The following PPM1E variants were observed in gnomAD, a reference collection of about 807,000 sequenced individuals.
The protein encoded by PPM1E is protein phosphatase 1E.
PPM1E carries 20 observed loss-of-function variants against 65.9 expected under a neutral mutation model. The ratio of observed to expected loss-of-function variants is 0.30; its 90% CI spans 0.21 to 0.44. PPM1E has a LOEUF of 0.44. Among genes scored for constraint, PPM1E ranks in the 20% least tolerant of loss-of-function variants. The pLI is 1.00. For synonymous variants in PPM1E, 352 were observed against 374.9 expected (o/e 0.94, Z 0.70); for missense variants, 713 against 953.1 (o/e 0.75, Z 3.32).
chr17:58,943,599 A>G (rs2052103583), intron 1 of PPM1E, among the ~76,000 whole-genome samples: 1 of 151,960 alleles, frequency 6.6e-6, no homozygotes, highest in African/African-American at 2.4e-5. Flanking sequence ...CTAGTTTGTG[A>G]TTTAACCTAG....
At chr17:58,907,253 A>G (rs1184130726) in intron 1 of PPM1E, among the ~76,000 whole-genome samples, 2 of 152,158 alleles carry the variant, frequency 1.3e-5, no homozygotes, top group East Asian at 3.8e-4. Flanking sequence ...CTAAAAAAAA[A>G]AAAGAAAGAA....
chr17:58,825,085 G>A (rs985825028), intron 1 of PPM1E, among the ~76,000 whole-genome samples: 1 of 151,948 alleles, frequency 6.6e-6, no homozygotes, highest in Non-Finnish European at 1.5e-5. Flanking sequence ...TACTGCTCGG[G>A]TGATGAGTGC....
chr17:58,881,276 C>T lies in PPM1E; in HGVS notation c.465-74373C>T, dbSNP rs555037945. On this transcript the variant is annotated intron_variant, in intron 1 of 6. Coordinates refer to ENST00000308249, the MANE Select transcript of PPM1E (RefSeq NM_014906.5). ...GGGCGCAGTGGCTCATCCCTGTAAT[C>T]GCAGCACTTTGGAGGCTGAGGCAGG... Among the ~76,000 whole-genome samples, 6 of 152,308 alleles carry T rather than the reference C, an allele frequency of 3.9e-5. No individual in the cohort carries two copies. The East Asian group carries it at 9.6e-4, about 24-fold the overall frequency.
At chr17:58,767,380 G>A (rs1315643663) in intron 1 of PPM1E, among the ~76,000 whole-genome samples, 1 of 152,158 alleles carries the variant, frequency 6.6e-6, no homozygotes, top group East Asian at 1.9e-4. Context: ...TCAGACTTGG[G>A]AGATTATAAT....
At position 58,755,903 on chromosome 17, in the gene PPM1E, C is replaced by G. The variant is rs2049753106; in HGVS notation, c.-95C>G. The G allele has an allele frequency of 9.7e-6, 15 of 1,549,218 alleles. No individual in the cohort carries two copies. The highest frequency in any genetic ancestry group is 1.3e-5 in the Non-Finnish European group (15 of 1,149,602). Reference sequence around the variant, plus strand: ...CGCTCGTGCCGGTGCGGCCGTTAACCGCCCTTGCCGGAGCCCTAGGCTCAA... The same window carrying G: ...CGCTCGTGCCGGTGCGGCCGTTAACGGCCCTTGCCGGAGCCCTAGGCTCAA... On this transcript the variant is annotated 5_prime_UTR_variant, in exon 1 of 7. Transcript: ENST00000308249.
At chr17:58,769,412 T>C (rs1024970966) in intron 1 of PPM1E, among the ~76,000 whole-genome samples, 10 of 152,044 alleles carry the variant, frequency 6.6e-5, no homozygotes, top group Admixed American at 1.3e-4. Flanking sequence ...CTGGGCAACA[T>C]GACAAAACCC....
intron 1 of PPM1E, among the ~76,000 whole-genome samples, chr17:58,757,312 C>G (rs1294633401): frequency 6.6e-6 from 1 of 152,182 alleles, no homozygotes; most frequent in Non-Finnish European, 1.5e-5. Context: ...AAGCAGATGG[C>G]TTAGCTACAC....
At chr17:58,912,120 C>CA (rs1403496332) in intron 1 of PPM1E, among the ~76,000 whole-genome samples, 3 of 152,210 alleles carry the variant, frequency 2.0e-5, no homozygotes, top group African/African-American at 7.2e-5. Context: ...AGGGTAAACA[C>CA]ACGATTTGCA....
In PPM1E at chr17:58,980,416, T is replaced by C. The variant is rs1425576918; in HGVS notation, c.1653T>C (p.Asp551=). 20 of 1,614,016 alleles carry C rather than the reference T, an allele frequency of 1.2e-5. No homozygotes were observed. Among genetic ancestry groups the C allele is most frequent in the Non-Finnish European group, 1.7e-5 (20 of 1,180,032 alleles). ...ATGGGCGTGTGGATTCATTCACTGATAGAACTAGCCTGAGCCCAGGGTCCC... is the reference window on the plus strand; with the variant it reads ...ATGGGCGTGTGGATTCATTCACTGACAGAACTAGCCTGAGCCCAGGGTCCC... ...GYDGRVDSFT[D]RTSLSPGSQI... The change falls in exon 7 of 7, where the codon GAT becomes GAC. Residue 551 remains aspartate, a synonymous_variant. Transcript: ENST00000308249. The surrounding 1 kb of genome is among the most constrained non-coding windows in gnomAD (Gnocchi z 4.7).
rs2031558783 is a variant in PPM1E at position 58,983,960 on chromosome 17, T to TTTG, written c.*2932_*2934dup. ...GTCAGTCCCTAATTTACAGGTTTCCTTTGTTCACTTTCTAGATGTGTACTT... is the reference window on the plus strand; with the variant it reads ...GTCAGTCCCTAATTTACAGGTTTCCTTTGTTGTTCACTTTCTAGATGTGTACTT... On this transcript the variant is annotated 3_prime_UTR_variant, in exon 7 of 7. Coordinates refer to ENST00000308249, the MANE Select transcript of PPM1E (RefSeq NM_014906.5). 1 of 152,686 alleles carries TTTG rather than the reference T, an allele frequency of 6.5e-6. No individual in the cohort carries two copies. The highest frequency in any genetic ancestry group is 1.5e-5 in the Non-Finnish European group (1 of 68,042). 9.5% of individuals were successfully genotyped at this position (152,686 alleles called of 1,614,324 possible). A position where few individuals can be genotyped will look rare whatever the true frequency, so the allele number is the denominator to read the frequency against.
chr17:58,809,498 T>TCCTCC (rs2050345580), intron 1 of PPM1E, among the ~76,000 whole-genome samples: 1 of 152,150 alleles, frequency 6.6e-6, no homozygotes, highest in African/African-American at 2.4e-5. Flanking sequence ...TCCTCCCACT[T>TCCTCC]CAGCCTCCCA....
intron 1 of PPM1E, among the ~76,000 whole-genome samples, chr17:58,812,592 T>C (rs1349242699): frequency 6.6e-6 from 1 of 152,208 alleles, no homozygotes; most frequent in East Asian, 1.9e-4. Context: ...GATGGAGTCA[T>C]GCTCTGTCGC....
intron 1 of PPM1E, among the ~76,000 whole-genome samples, chr17:58,764,420 A>G (rs1825223479): frequency 6.6e-6 from 1 of 152,120 alleles, no homozygotes; most frequent in Non-Finnish European, 1.5e-5. Context: ...AGAGCCACTT[A>G]GCTGGGTGCA....
intron 1 of PPM1E, among the ~76,000 whole-genome samples, chr17:58,757,999 C>T (rs1416016537): frequency 6.6e-6 from 1 of 151,984 alleles, no homozygotes; most frequent in Non-Finnish European, 1.5e-5. Context: ...GATAAAGCTC[C>T]CTGCTTAAAA....
rs75706443 is a variant in PPM1E, at chr17:58,761,698, C to G, written c.464+5237C>G. On this transcript the variant is annotated intron_variant, in intron 1 of 6. Coordinates refer to ENST00000308249, the MANE Select transcript of PPM1E (RefSeq NM_014906.5). ...GTTTAACACCTCTTCCTTGAGGAAG[C>G]CTTTGCTTACCGTCCTCACACTCAT... Among the ~76,000 whole-genome samples, 1,387 of 152,294 alleles carry G rather than the reference C, an allele frequency of 9.1e-3. 66 individuals are homozygous for G. In the East Asian group the frequency reaches 0.12, roughly 14 times the overall value.
chr17:58,871,262 ACTC>A (rs2051066054), intron 1 of PPM1E, among the ~76,000 whole-genome samples: 1 of 152,026 alleles, frequency 6.6e-6, no homozygotes, highest in Non-Finnish European at 1.5e-5. Flanking sequence ...TTAGTCCTAA[ACTC>A]CTGGGTTCAA....
chr17:58,890,644 C>CAT (rs1371592342), intron 1 of PPM1E, among the ~76,000 whole-genome samples: 1 of 152,072 alleles, frequency 6.6e-6, no homozygotes, highest in African/African-American at 2.4e-5. Flanking sequence ...TAAACATACA[C>CAT]ACATATATAT....
intron 1 of PPM1E, among the ~76,000 whole-genome samples, chr17:58,848,127 T>C (rs558194564): frequency 2.0e-5 from 3 of 152,356 alleles, no homozygotes; most frequent in African/African-American, 7.2e-5. Flanking sequence ...TGATTTTGTA[T>C]CCTGAGACTT....
intron 1 of PPM1E, among the ~76,000 whole-genome samples, chr17:58,911,813 A>G (rs1316146116): frequency 1.3e-5 from 2 of 152,160 alleles, no homozygotes; most frequent in East Asian, 1.9e-4. Flanking sequence ...TCATTCACAA[A>G]TAAATAATAA....
Sources: gnomAD v4.1 joint callset for allele counts (sites outside exome capture counted in the v4.1 genomes callset) on GRCh38, gnomAD v4.1.1 for gene constraint, Gnocchi (gnomAD v3.1) non-coding constraint, MANE v1.5 for transcripts, NCBI Gene and HGNC (gene_info 2026-07-23, HGNC 2026-07-21) for gene names.